The following NR2F1-AS1 variants were observed in gnomAD, a reference collection of about 807,000 sequenced individuals.
NR2F1-AS1 encodes the protein NR2F1 regulatory antisense RNA 1.
At chr5:93,464,651 A>G (rs1474513571) in intron 4 of NR2F1-AS1, among the ~76,000 whole-genome samples, 3 of 152,242 alleles carry the variant, frequency 2.0e-5, no homozygotes, top group African/African-American at 7.2e-5. Flanking sequence ...CTAATCAAGT[A>G]CTTGAAGTAG....
intron 4 of NR2F1-AS1, among the ~76,000 whole-genome samples, chr5:93,514,319 G>A (rs911146313): frequency 6.6e-6 from 1 of 152,014 alleles, no homozygotes; most frequent in Non-Finnish European, 1.5e-5. Flanking sequence ...AAATCCAAAT[G>A]AAAAAGGAAA....
At chr5:93,576,686 A>G (rs1198745855) in intron 1 of NR2F1-AS1, among the ~76,000 whole-genome samples, 1 of 152,182 alleles carries the variant, frequency 6.6e-6, no homozygotes, top group East Asian at 1.9e-4. Context: ...ACTGAAACAT[A>G]TTAGAGCAGT....
chr5:93,442,123 G>A (rs940108338), intron 4 of NR2F1-AS1, among the ~76,000 whole-genome samples: 18 of 152,180 alleles, frequency 1.2e-4, no homozygotes, highest in African/African-American at 2.4e-4. Flanking sequence ...AGCTCCCAGC[G>A]TGAGCAACAC....
intron 4 of NR2F1-AS1, among the ~76,000 whole-genome samples, chr5:93,536,101 G>T (rs1456194520): frequency 3.9e-5 from 6 of 151,988 alleles, no homozygotes; most frequent in Non-Finnish European, 7.4e-5. Flanking sequence ...AAAGTTGCAG[G>T]ATACAAAATC....
intron 4 of NR2F1-AS1, among the ~76,000 whole-genome samples, chr5:93,435,214 TA>T: frequency 6.6e-6 from 1 of 152,314 alleles, no homozygotes; most frequent in Middle Eastern, 3.4e-3. Flanking sequence ...GTTAGTATCC[TA>T]CTCCCTTGTT....
chr5:93,515,565 C>G (rs1561478219), intron 4 of NR2F1-AS1, among the ~76,000 whole-genome samples: 1 of 151,868 alleles, frequency 6.6e-6, no homozygotes, highest in East Asian at 1.9e-4. Flanking sequence ...TAAGCAAGGA[C>G]AGAAACCATG....
chr5:93,520,240 C>G (rs906415069), intron 4 of NR2F1-AS1, among the ~76,000 whole-genome samples: 8 of 151,986 alleles, frequency 5.3e-5, no homozygotes, highest in African/African-American at 1.9e-4. Context: ...TTTACTTTTG[C>G]ATCTTTGAAG....
chr5:93,432,347 T>A (rs375827565), intron 4 of NR2F1-AS1: 1 of 152,212 alleles, frequency 6.6e-6, no homozygotes, highest in Non-Finnish European at 1.5e-5. Flanking sequence ...ATTTGCTGCA[T>A]ATTTTCCAAG....
chr5:93,436,923 T>C (rs946041127), intron 4 of NR2F1-AS1, among the ~76,000 whole-genome samples: 6 of 151,540 alleles, frequency 4.0e-5, no homozygotes, highest in Non-Finnish European at 7.4e-5. Context: ...TAATTTACCT[T>C]CCAAGATGCC....
At chr5:93,497,632 C>T (rs188352565) in intron 4 of NR2F1-AS1, among the ~76,000 whole-genome samples, 1 of 152,150 alleles carries the variant, frequency 6.6e-6, no homozygotes, top group African/African-American at 2.4e-5. Context: ...ATTGTTGCTA[C>T]CTATAAATTC....
At chr5:93,523,628 C>T (rs898792133) in intron 4 of NR2F1-AS1, among the ~76,000 whole-genome samples, 1 of 152,168 alleles carries the variant, frequency 6.6e-6, no homozygotes, top group African/African-American at 2.4e-5. Flanking sequence ...GGCAGGTGCC[C>T]CTCTGGGACG....
chr5:93,418,414 C>T lies in NR2F1-AS1; in HGVS notation n.639-22872G>A, dbSNP rs1417244140. Among the ~76,000 whole-genome samples, 3 of 152,150 alleles carry T rather than the reference C, an allele frequency of 2.0e-5. No homozygotes were observed. The South Asian group carries it at 6.2e-4, about 32-fold the overall frequency. On this transcript the variant is annotated intron_variant and non_coding_transcript_variant, in intron 4 of 5. Transcript: ENST00000660523. ...CCATCCTGGACAACATGGTGAAACCCCGCCTCTACTAAAAATACAAAAATT... is the reference window on the plus strand; with the variant it reads ...CCATCCTGGACAACATGGTGAAACCTCGCCTCTACTAAAAATACAAAAATT...
chr5:93,581,835 TC>T (rs1375331554), upstream of NR2F1-AS1, among the ~76,000 whole-genome samples: 6 of 37,094 alleles, frequency 1.6e-4, 1 homozygote, highest in Admixed American at 1.7e-3. Flanking sequence ...TCTCTCTCTC[TC>T]CTCTCTCTCT....
intron 4 of NR2F1-AS1, among the ~76,000 whole-genome samples, chr5:93,476,873 T>C (rs1750496961): frequency 6.6e-6 from 1 of 152,138 alleles, no homozygotes; most frequent in African/African-American, 2.4e-5. Context: ...CTTTGCTAAA[T>C]GAAAACAAAG....
At chr5:93,526,538 A>T (rs1751619321) in intron 4 of NR2F1-AS1, among the ~76,000 whole-genome samples, 1 of 152,176 alleles carries the variant, frequency 6.6e-6, no homozygotes, top group Admixed American at 6.6e-5. Context: ...CAGAGACATA[A>T]CACAAAAAGG....
chr5:93,412,687 G>C (rs556178435), intron 4 of NR2F1-AS1, among the ~76,000 whole-genome samples: 1 of 152,168 alleles, frequency 6.6e-6, no homozygotes, highest in African/African-American at 2.4e-5. Context: ...AAATCTACTT[G>C]ACTAGGGACC....
chr5:93,581,846 TCTCTCTCCTCTCTCTCTCTCTC>T (rs1369128504), upstream of NR2F1-AS1, among the ~76,000 whole-genome samples: 179 of 35,612 alleles, frequency 5.0e-3, 5 homozygotes, highest in Non-Finnish European at 0.011. Flanking sequence ...CCTCTCTCTC[TCTCTCTCCTCTCTCTCTCTCTC>T]CTCTCTCCTC....
At chr5:93,560,346 G>A (rs1362810188) in intron 2 of NR2F1-AS1, among the ~76,000 whole-genome samples, 1 of 152,150 alleles carries the variant, frequency 6.6e-6, no homozygotes, top group East Asian at 1.9e-4. Context: ...GCTAGTTCCT[G>A]ACTATAAAAT....
At chr5:93,462,342 A>T (rs1339691848) in intron 4 of NR2F1-AS1, among the ~76,000 whole-genome samples, 2 of 152,128 alleles carry the variant, frequency 1.3e-5, no homozygotes, top group African/African-American at 2.4e-5. Context: ...GTCCACCACC[A>T]TGTGAGATGT....
Sources: gnomAD v4.1 joint callset for allele counts (sites outside exome capture counted in the v4.1 genomes callset) on GRCh38, gnomAD v4.1.1 for gene constraint, MANE v1.5 for transcripts, NCBI Gene and HGNC (gene_info 2026-07-23, HGNC 2026-07-21) for gene names.